Variants in GRK5 observed in about 807,000 individuals in gnomAD.
The protein encoded by GRK5 is g protein-coupled receptor kinase GRK5.
In GRK5, 40 loss-of-function variants were observed where a neutral mutation model predicts 78.4. The ratio of observed to expected loss-of-function variants is 0.51; its 90% CI spans 0.40 to 0.66. GRK5 has a LOEUF of 0.66. Ranked by LOEUF, GRK5 falls within the 30% of genes least tolerant of loss-of-function variation. The pLI, the probability that GRK5 is intolerant of heterozygous loss-of-function variation, is 0.00. For missense variants in GRK5, 598 were observed against 759.9 expected, an observed-to-expected ratio of 0.79 and a Z score of 2.50; for synonymous variants, 289 against 296.8, an observed-to-expected ratio of 0.97 and a Z score of 0.27.
At chr10:119,359,932 TTGAGGAGATTGAGGAGGC>T (rs985826624) in intron 2 of GRK5, among the ~76,000 whole-genome samples, 1 of 149,100 alleles carries the variant, frequency 6.7e-6, no homozygotes, top group Non-Finnish European at 1.5e-5. Flanking sequence ...TGAAGGGAGG[TTGAGGAGATTGAGGAGGC>T]TGAGGGGGCT....
chr10:119,452,675 G>A lies in GRK5; in HGVS notation c.1409G>A (p.Arg470His), dbSNP rs369268255. 1.9e-5 allele frequency: 30 copies of A among 1,613,888 alleles called. No homozygotes were observed. The highest frequency in any genetic ancestry group is 2.2e-5 in the Non-Finnish European group (26 of 1,180,028). The change falls in exon 14 of 16, where the codon CGC becomes CAC. Residue 470 changes from arginine to histidine, a missense_variant. By Grantham distance (29) the Arg-to-His change is conservative (BLOSUM62 0). Transcript: ENST00000392870. This position sits in a 1 kb window ranked among gnomAD's most constrained non-coding sequence, Gnocchi z 4.4. ...MLDPPFVPDP[R>H]AVYCKDVLDI... ...CCGGCCCTCTGCCCCTGGCAGCCCC[G>A]CGCTGTGTACTGTAAGGACGTGCTG...
At chr10:119,403,553 A>G (rs1852185929) in intron 4 of GRK5, among the ~76,000 whole-genome samples, 1 of 152,210 alleles carries the variant, frequency 6.6e-6, no homozygotes, top group African/African-American at 2.4e-5. Flanking sequence ...GCTGAATGAT[A>G]TTCCATTGTA....
chr10:119,303,529 G>A (rs1296637650), intron 1 of GRK5, among the ~76,000 whole-genome samples: 2 of 152,222 alleles, frequency 1.3e-5, no homozygotes, highest in African/African-American at 2.4e-5. Flanking sequence ...CTGGAGTGGA[G>A]TGTGGGCCTG....
chr10:119,454,736 G>A (rs1032948527), intron 15 of GRK5, among the ~76,000 whole-genome samples: 1 of 152,184 alleles, frequency 6.6e-6, no homozygotes, highest in Admixed American at 6.5e-5. Context: ...TAACCAAGGT[G>A]GATATTATAG....
At chr10:119,247,100 C>T (rs1178324866) in intron 1 of GRK5, among the ~76,000 whole-genome samples, 1 of 152,212 alleles carries the variant, frequency 6.6e-6, no homozygotes, top group Admixed American at 6.5e-5. Flanking sequence ...TGGAGCTCGG[C>T]ATCTGAGTGA....
intron 4 of GRK5, among the ~76,000 whole-genome samples, chr10:119,399,673 C>T (rs1454542258): frequency 6.6e-6 from 1 of 152,358 alleles, no homozygotes; most frequent in African/African-American, 2.4e-5. Flanking sequence ...ATTCAAGGCT[C>T]TGAGAAGTCC....
intron 2 of GRK5, among the ~76,000 whole-genome samples, chr10:119,360,892 G>A (rs764009835): frequency 1.8e-4 from 28 of 152,276 alleles, no homozygotes; most frequent in Non-Finnish European, 3.7e-4. Context: ...GCCTGTGGCC[G>A]CTGCTTCTCT....
intron 1 of GRK5, among the ~76,000 whole-genome samples, chr10:119,319,032 A>G (rs1850538795): frequency 6.6e-6 from 1 of 152,188 alleles, no homozygotes; most frequent in Non-Finnish European, 1.5e-5. Flanking sequence ...TTTTATTATT[A>G]CTTGGCTTCT....
chr10:119,267,491 T>C lies in GRK5; in HGVS notation c.53-59025T>C, dbSNP rs1849518966. 6.6e-6 allele frequency among the ~76,000 whole-genome samples: 1 copy of C among 152,126 alleles called. No individual in the cohort carries two copies. Among genetic ancestry groups the C allele is most frequent in the South Asian group, 2.1e-4 (1 of 4,826 alleles). On this transcript the variant is annotated intron_variant, in intron 1 of 15. Coordinates refer to ENST00000392870, the MANE Select transcript of GRK5 (RefSeq NM_005308.3). This position sits in a 1 kb window ranked among gnomAD's most constrained non-coding sequence, Gnocchi z 4.1. ...CATAACAGGGCCTTGGGCAGCAGAC[T>C]CCTCACCGTGGCCAGGCAAGGGATT... is the stretch of plus-strand genomic sequence containing the variant.
chr10:119,226,521 A>G (rs1461152132), intron 1 of GRK5, among the ~76,000 whole-genome samples: 1 of 149,174 alleles, frequency 6.7e-6, no homozygotes, highest in Non-Finnish European at 1.5e-5. Flanking sequence ...CCAGAGACCA[A>G]GGCTGGTAAC....
At chr10:119,269,396 C>T (rs944505819) in intron 1 of GRK5, among the ~76,000 whole-genome samples, 1 of 152,144 alleles carries the variant, frequency 6.6e-6, no homozygotes, top group East Asian at 1.9e-4. Flanking sequence ...CCTGAACATG[C>T]AGCCGAGGGT....
At chr10:119,397,074 G>A (rs986046442) in intron 4 of GRK5, among the ~76,000 whole-genome samples, 2 of 152,272 alleles carry the variant, frequency 1.3e-5, no homozygotes, top group African/African-American at 4.8e-5. Flanking sequence ...TGGTAGGGCA[G>A]ATGGAGGCCT....
intron 1 of GRK5, among the ~76,000 whole-genome samples, chr10:119,312,697 G>A (rs1015155231): frequency 1.3e-5 from 2 of 152,220 alleles, no homozygotes; most frequent in African/African-American, 4.8e-5. Flanking sequence ...TGGTGCCCCT[G>A]TGAGACTTCC....
intron 1 of GRK5, among the ~76,000 whole-genome samples, chr10:119,236,322 T>C (rs1848927362): frequency 6.6e-6 from 1 of 152,000 alleles, no homozygotes; most frequent in Admixed American, 6.6e-5. Flanking sequence ...TTCACGCCAT[T>C]CTCCTGCCTC....
chr10:119,234,581 T>A (rs1307622070), intron 1 of GRK5, among the ~76,000 whole-genome samples: 1 of 152,218 alleles, frequency 6.6e-6, no homozygotes, highest in Non-Finnish European at 1.5e-5. Context: ...AAGCCAAGAA[T>A]GGGTGATAAC....
intron 13 of GRK5, among the ~76,000 whole-genome samples, chr10:119,448,948 G>T (rs1235475118): frequency 6.6e-6 from 1 of 152,224 alleles, no homozygotes; most frequent in Non-Finnish European, 1.5e-5. Context: ...TACGTGCTGT[G>T]ATTCCGGGGC....
intron 1 of GRK5, among the ~76,000 whole-genome samples, chr10:119,293,313 A>G (rs1343358197): frequency 6.6e-6 from 1 of 152,078 alleles, no homozygotes; most frequent in Non-Finnish European, 1.5e-5. Flanking sequence ...TGAGGTCAGG[A>G]GTTTGAGACC....
chr10:119,393,499 C>T (rs1029320420), intron 3 of GRK5, among the ~76,000 whole-genome samples: 6 of 152,248 alleles, frequency 3.9e-5, no homozygotes, highest in Admixed American at 3.9e-4. Flanking sequence ...TCGTACAGTG[C>T]AAATCTAGTG....
chr10:119,448,921 G>C (rs572773565), intron 13 of GRK5, among the ~76,000 whole-genome samples: 1 of 152,346 alleles, frequency 6.6e-6, no homozygotes, highest in South Asian at 2.1e-4. Flanking sequence ...GGCAGAGGCT[G>C]GGTGATCTGT....
Sources: gnomAD v4.1 joint callset for allele counts (sites outside exome capture counted in the v4.1 genomes callset) on GRCh38, gnomAD v4.1.1 for gene constraint, Gnocchi (gnomAD v3.1) non-coding constraint, MANE v1.5 for transcripts, NCBI Gene and HGNC (gene_info 2026-07-23, HGNC 2026-07-21) for gene names.